ALG11: variants seen among roughly 807,000 people sequenced by gnomAD.
The protein encoded by ALG11 is GDP-Man:Man(3)GlcNAc(2)-PP-Dol alpha-1,2-mannosyltransferase.
In ALG11, 26 loss-of-function variants were observed where a neutral mutation model predicts 38.8. The ratio of observed to expected loss-of-function variants is 0.67; its 90% CI spans 0.49 to 0.93. The LOEUF (loss-of-function observed/expected upper bound fraction) is 0.93, where lower values mean the gene tolerates loss of function less well. Among genes scored for constraint, ALG11 ranks in the 40% least tolerant of loss-of-function variants. The pLI, the probability that ALG11 is intolerant of heterozygous loss-of-function variation, is 0.00. For synonymous variants in ALG11, 199 were observed against 211.6 expected, an observed-to-expected ratio of 0.94 and a Z score of 0.52; for missense variants, 535 against 578.8, an observed-to-expected ratio of 0.92 and a Z score of 0.78.
chr13:52,020,152 T>G (rs1343567641), intron 2 of ALG11, among the ~76,000 whole-genome samples: 1 of 152,210 alleles, frequency 6.6e-6, no homozygotes, highest in African/African-American at 2.4e-5. Flanking sequence ...TCTATTTGAC[T>G]CAAATTTTTA....
chr13:52,029,283 T>C lies in ALG11; in HGVS notation c.*693T>C. ...CAGGCAGAGCAGCTGGTTTTTCCCC[T>C]GGGGAAGGAGCAGCCAGCCATTGCT... is the stretch of plus-strand genomic sequence containing the variant. On this transcript the variant is annotated 3_prime_UTR_variant, in exon 4 of 4. Transcript: ENST00000521508. The C allele has an allele frequency of 6.2e-7, 1 of 1,614,178 alleles. No individual in the cohort carries two copies. The highest frequency in any genetic ancestry group is 8.5e-7 in the Non-Finnish European group (1 of 1,180,032).
At chr13:52,015,033 A>G (rs1227617986) in intron 1 of ALG11, among the ~76,000 whole-genome samples, 1 of 152,214 alleles carries the variant, frequency 6.6e-6, no homozygotes, top group East Asian at 1.9e-4. Flanking sequence ...TTTGTTCACA[A>G]TAGGAACAAA....
chr13:52,023,056 C>T (rs1277861314), intron 2 of ALG11: 1 of 152,226 alleles, frequency 6.6e-6, no homozygotes, highest in Non-Finnish European at 1.5e-5. Flanking sequence ...TATTTTCATA[C>T]TAATTATATC....
chr13:52,018,614 C>T (rs1333982917), intron 1 of ALG11, among the ~76,000 whole-genome samples: 3 of 152,106 alleles, frequency 2.0e-5, no homozygotes, highest in Non-Finnish European at 4.4e-5. Flanking sequence ...GTTTTAATCC[C>T]ATAACATATA....
intron 1 of ALG11, among the ~76,000 whole-genome samples, chr13:52,012,865 C>T (rs1954091705): frequency 6.6e-6 from 1 of 152,178 alleles, no homozygotes; most frequent in Admixed American, 6.5e-5. Flanking sequence ...TCTTCCTTCT[C>T]ATCTTAGTTT....
In ALG11 at chr13:52,028,699, A is replaced by G. The variant is rs1954266062; in HGVS notation, c.*109A>G. ...TTTGTCAAATCATTTTACTTTAGAA[A>G]ACAGACAAAATTTCCTTTTAGAATA... is the stretch of plus-strand genomic sequence containing the variant. On this transcript the variant is annotated 3_prime_UTR_variant, in exon 4 of 4. Coordinates refer to ENST00000521508, the MANE Select transcript of ALG11 (RefSeq NM_001004127.3). The G allele has an allele frequency of 6.4e-7, 1 of 1,573,908 alleles. No individual in the cohort carries two copies. Among genetic ancestry groups the G allele is most frequent in the East Asian group, 2.3e-5 (1 of 43,358 alleles).
intron 1 of ALG11, chr13:52,016,641 A>G (rs1239798499): frequency 1.3e-5 from 2 of 152,248 alleles, no homozygotes; most frequent in Admixed American, 1.3e-4. Flanking sequence ...GTAGCTTCAC[A>G]TGGTGTTGAG....
intron 3 of ALG11, among the ~76,000 whole-genome samples, chr13:52,025,713 T>A (rs1225402652): frequency 6.6e-6 from 1 of 152,260 alleles, no homozygotes; most frequent in Non-Finnish European, 1.5e-5. Context: ...TAAAATCAAG[T>A]ACTGCTTTGT....
Position 52,024,810 on chromosome 13 carries a change from G to A in ALG11, c.1080G>A (p.Leu360=), listed in dbSNP as rs1416093117. The part of the protein sequence containing the change: ...DELRVNQLRR[L]SEDLGVQEYV... ...TTAGGGTAAACCAACTGAGAAGGCTGTCTGAGGATTTAGGAGTTCAAGAAT... is the reference window on the plus strand; with the variant it reads ...TTAGGGTAAACCAACTGAGAAGGCTATCTGAGGATTTAGGAGTTCAAGAAT... The change falls in exon 3 of 4, where the codon CTG becomes CTA. Residue 360 remains leucine (L), a synonymous_variant. Transcript: ENST00000521508. 6 of 1,614,020 alleles carry A rather than the reference G, an allele frequency of 3.7e-6. No homozygotes were observed. Among genetic ancestry groups the A allele is most frequent in the Non-Finnish European group, 5.1e-6 (6 of 1,179,984 alleles).
At position 52,030,804 on chromosome 13, in the gene ALG11, T is replaced by C; in HGVS notation, c.*2214T>C. 2 of 1,614,180 alleles carry C rather than the reference T, an allele frequency of 1.2e-6. No homozygotes were observed. Among genetic ancestry groups the C allele is most frequent in the East Asian group, 4.5e-5 (2 of 44,878 alleles). ...AAAGATAAGAATTTGCCAAATGTGATTATCAGTGAGAAGCGCAACATCCAC... is the reference window on the plus strand; with the variant it reads ...AAAGATAAGAATTTGCCAAATGTGACTATCAGTGAGAAGCGCAACATCCAC... On this transcript the variant is annotated 3_prime_UTR_variant, in exon 4 of 4. Coordinates refer to ENST00000521508, the MANE Select transcript of ALG11 (RefSeq NM_001004127.3).
In ALG11 at chr13:52,030,153, G is replaced by T. The variant is rs1954284323; in HGVS notation, c.*1563G>T. The T allele has an allele frequency of 3.1e-6, 5 of 1,614,226 alleles. No homozygotes were observed. The highest frequency in any genetic ancestry group is 3.4e-6 in the Non-Finnish European group (4 of 1,180,044). On this transcript the variant is annotated 3_prime_UTR_variant, in exon 4 of 4. Coordinates refer to ENST00000521508, the MANE Select transcript of ALG11 (RefSeq NM_001004127.3). ...AGCAGTCAAGAAACAAAAGATTCTA[G>T]CAGCCAGGAGGTGCTGTCCGAATTG...
At position 52,030,516 on chromosome 13, in the gene ALG11, G is replaced by C. The variant is rs77339766; in HGVS notation, c.*1926G>C. ...CTGACCACACAGTCTCCTTCCGTGA[G>C]GTCTTTGGCAGTTCCCACAATAATA... On this transcript the variant is annotated 3_prime_UTR_variant, in exon 4 of 4. Transcript: ENST00000521508. 198 of 1,614,222 alleles carry C rather than the reference G, an allele frequency of 1.2e-4. No homozygotes were observed. In the East Asian group the frequency reaches 1.8e-3, roughly 15 times the overall value.
chr13:52,030,726 G>T lies in ALG11; in HGVS notation c.*2136G>T. ...TGGGGTGGTGTGGGCCTAAAGCCCA[G>T]TGCCAAGAAAAGACGCCAGTTTCTC... On this transcript the variant is annotated 3_prime_UTR_variant, in exon 4 of 4. Coordinates refer to ENST00000521508, the MANE Select transcript of ALG11 (RefSeq NM_001004127.3). The T allele has an allele frequency of 1.9e-6, 3 of 1,614,234 alleles. No homozygotes were observed. Among genetic ancestry groups the T allele is most frequent in the Non-Finnish European group, 2.5e-6 (3 of 1,180,046 alleles).
chr13:52,025,916 T>C (rs1371433333), intron 3 of ALG11, among the ~76,000 whole-genome samples: 9 of 152,230 alleles, frequency 5.9e-5, no homozygotes, highest in Non-Finnish European at 1.3e-4. Flanking sequence ...ACCCAACCTG[T>C]TGCATGGGAT....
Position 52,030,361 on chromosome 13 carries a change from T to C in ALG11, c.*1771T>C, listed in dbSNP as rs1954289054. On this transcript the variant is annotated 3_prime_UTR_variant, in exon 4 of 4. Transcript: ENST00000521508. The stretch of plus-strand genomic sequence containing the variant: ...AGCTAGAAGAGCTGGGAAAAGAAGA[T>C]TGTTTTCAAAATAAGGAGCTTCCCA... 5 of 1,614,098 alleles carry C rather than the reference T, an allele frequency of 3.1e-6. No homozygotes were observed. Among genetic ancestry groups the C allele is most frequent in the South Asian group, 1.1e-5 (1 of 91,078 alleles).
intron 2 of ALG11, chr13:52,021,500 C>G (rs540970681): frequency 3.9e-5 from 6 of 152,472 alleles, no homozygotes; most frequent in African/African-American, 1.4e-4. Flanking sequence ...GCCAGTTTGG[C>G]TGCACCCTGG....
chr13:52,023,875 A>G (rs1954210430), intron 2 of ALG11, 131 bp from the exon 3 acceptor site: 2 of 716,352 alleles, frequency 2.8e-6, no homozygotes, highest in Non-Finnish European at 2.3e-6. Flanking sequence ...GCTCACTGCA[A>G]CCTCCGCCTC....
At chr13:52,018,259 A>G (rs1464575185) in intron 1 of ALG11, among the ~76,000 whole-genome samples, 1 of 152,204 alleles carries the variant, frequency 6.6e-6, no homozygotes, top group Non-Finnish European at 1.5e-5. Flanking sequence ...GAACCTTTTA[A>G]CAGTCACTTT....
Position 52,029,394 on chromosome 13 carries a change from C to G in ALG11, c.*804C>G. On this transcript the variant is annotated 3_prime_UTR_variant, in exon 4 of 4. Transcript: ENST00000521508. ...AACCTCCTCCATAAGAACAAGCAGC[C>G]AGTGACAGATCCTTTACTGACTCCC... The G allele has an allele frequency of 6.2e-7, 1 of 1,614,108 alleles. No individual in the cohort carries two copies. The highest frequency in any genetic ancestry group is 8.5e-7 in the Non-Finnish European group (1 of 1,180,038).
Sources: allele counts gnomAD v4.1 joint callset (sites outside exome capture counted in the v4.1 genomes callset), GRCh38; gene constraint gnomAD v4.1.1; transcripts MANE v1.5; gene names NCBI Gene and HGNC (gene_info 2026-07-23, HGNC 2026-07-21).